CHD7: variants seen among roughly 807,000 people sequenced by gnomAD.
CHD7 encodes the protein ATP-dependent chromatin remodeler CHD7.
A neutral mutation model predicts 307.3 loss-of-function variants in CHD7; 24 were observed. That is an observed-to-expected ratio of 0.08 (90% confidence interval 0.06 to 0.11). The LOEUF is 0.11. Ranked by LOEUF, CHD7 falls within the 10% of genes least tolerant of loss-of-function variation. The pLI, the probability that CHD7 is intolerant of heterozygous loss-of-function variation, is 1.00. For synonymous variants in CHD7, 1,363 were observed against 1,349.9 expected, an observed-to-expected ratio of 1.01 and a Z score of -0.21; for missense variants, 3,106 against 3,727.1, an observed-to-expected ratio of 0.83 and a Z score of 4.34.
intron 2 of CHD7, among the ~76,000 whole-genome samples, chr8:60,765,705 G>T (rs1422870362): frequency 6.6e-6 from 1 of 152,234 alleles, no homozygotes; most frequent in Non-Finnish European, 1.5e-5. Context: ...GGCCAGGAGG[G>T]CCGGGGGCAG....
chr8:60,796,662 A>C (rs1289680214), intron 4 of CHD7, among the ~76,000 whole-genome samples: 1 of 151,578 alleles, frequency 6.6e-6, no homozygotes, highest in Non-Finnish European at 1.5e-5. Context: ...GAAAACTGCT[A>C]ATCAATTCAA....
At chr8:60,752,148 C>T (rs970646514) in intron 2 of CHD7, among the ~76,000 whole-genome samples, 9 of 152,294 alleles carry the variant, frequency 5.9e-5, no homozygotes, top group African/African-American at 1.9e-4. Flanking sequence ...TTAACCTTAA[C>T]TATGTTAACT....
Position 60,837,655 on chromosome 8 carries a change from A to AT in CHD7, c.4186-8dup. ...GTTCATTGCAGTAACTATTAATTTC[A>AT]TTTTTCTTCCAGGCTCAGGCTAGAT... On this transcript the variant is annotated splice_polypyrimidine_tract_variant and intron_variant, in intron 17 of 37. Transcript: ENST00000423902. 2 of 1,531,440 alleles carry AT rather than the reference A, an allele frequency of 1.3e-6. No individual in the cohort carries two copies. Among genetic ancestry groups the AT allele is most frequent in the Non-Finnish European group, 1.8e-6 (2 of 1,134,932 alleles). The allele number at this position is 1,531,440 out of a possible 1,614,324, so 94.9% of individuals were successfully genotyped here.
chr8:60,774,375 C>T (rs1268410510), intron 2 of CHD7, among the ~76,000 whole-genome samples: 1 of 152,216 alleles, frequency 6.6e-6, no homozygotes, highest in African/African-American at 2.4e-5. Flanking sequence ...CTTAGCAGAG[C>T]ACATGCCACA....
At chr8:60,753,311 C>T (rs1809729615) in intron 2 of CHD7, among the ~76,000 whole-genome samples, 2 of 152,200 alleles carry the variant, frequency 1.3e-5, no homozygotes, top group Non-Finnish European at 2.9e-5. Context: ...AACCCCTGTG[C>T]TCAGTGTCCT....
intron 4 of CHD7, among the ~76,000 whole-genome samples, chr8:60,795,550 A>AATT (rs1811983906): frequency 1.3e-5 from 2 of 152,332 alleles, no homozygotes; most frequent in South Asian, 4.1e-4. Flanking sequence ...AGCCTGTCTA[A>AATT]AGTTTCTGAC....
intron 21 of CHD7, among the ~76,000 whole-genome samples, chr8:60,842,272 G>A (rs1361327543): frequency 6.6e-6 from 1 of 152,166 alleles, no homozygotes; most frequent in African/African-American, 2.4e-5. Flanking sequence ...TGAAGTTAAG[G>A]TGCTTGTGTA....
chr8:60,804,104 G>A (rs1812438184), intron 6 of CHD7, among the ~76,000 whole-genome samples: 2 of 152,188 alleles, frequency 1.3e-5, no homozygotes, highest in South Asian at 2.1e-4. Flanking sequence ...CAGAGGCACC[G>A]TAAGTCAGCA....
intron 1 of CHD7, among the ~76,000 whole-genome samples, chr8:60,705,385 A>G (rs1474138132): frequency 6.6e-6 from 1 of 152,250 alleles, no homozygotes; most frequent in African/African-American, 2.4e-5. Flanking sequence ...CACTGAGGAC[A>G]AAAAGGTATG....
intron 2 of CHD7, among the ~76,000 whole-genome samples, chr8:60,760,666 A>G (rs1314987720): frequency 6.6e-6 from 1 of 151,608 alleles, no homozygotes; most frequent in Non-Finnish European, 1.5e-5. Context: ...AAACAACCCC[A>G]TCAAAAAGTG....
rs530491969 is a variant in CHD7 at position 60,714,813 on chromosome 8, C to T, written c.-174-26446C>T. Among the ~76,000 whole-genome samples, 4 of 152,352 alleles carry T rather than the reference C, an allele frequency of 2.6e-5. No homozygotes were observed. The South Asian group carries it at 8.3e-4, about 32-fold the overall frequency. On this transcript the variant is annotated intron_variant, in intron 1 of 37. Coordinates refer to ENST00000423902, the MANE Select transcript of CHD7 (RefSeq NM_017780.4). The stretch of plus-strand genomic sequence containing the variant: ...TTTTGCCTTCGTAGCCCACAGCCCA[C>T]TTGTAATTCTGTGTTCCAGGTCTGC...
At chr8:60,728,866 T>C (rs1269903446) in intron 1 of CHD7, among the ~76,000 whole-genome samples, 1 of 152,242 alleles carries the variant, frequency 6.6e-6, no homozygotes, top group East Asian at 1.9e-4. Flanking sequence ...GTTTGTTACA[T>C]AGGTAAACTT....
chr8:60,745,078 T>C (rs928938012), intron 2 of CHD7, among the ~76,000 whole-genome samples: 2 of 151,486 alleles, frequency 1.3e-5, no homozygotes, highest in African/African-American at 4.8e-5. Flanking sequence ...GTGATTCTTA[T>C]ATAACCTCAG....
intron 3 of CHD7, among the ~76,000 whole-genome samples, chr8:60,785,937 G>A (rs1201688228): frequency 6.6e-6 from 1 of 151,692 alleles, no homozygotes; most frequent in Non-Finnish European, 1.5e-5. Flanking sequence ...TAAATGTTTT[G>A]CACCCTGTGC....
chr8:60,867,006 A>G lies in CHD7; in HGVS notation c.*1073A>G, dbSNP rs763215512. ...ATTCTGGCTTTTGTACAGTTTCTTGATATATCCTCTTATACTAGATTAGCT... is the reference window on the plus strand; with the variant it reads ...ATTCTGGCTTTTGTACAGTTTCTTGGTATATCCTCTTATACTAGATTAGCT... On this transcript the variant is annotated 3_prime_UTR_variant, in exon 38 of 38. Transcript: ENST00000423902. 3 of 152,162 alleles carry G rather than the reference A, an allele frequency of 2.0e-5. No individual in the cohort carries two copies. The highest frequency in any genetic ancestry group is 2.9e-5 in the Non-Finnish European group (2 of 68,032). The allele number at this position is 152,162 out of a possible 1,614,324, so 9.4% of individuals were successfully genotyped here. A position where few individuals can be genotyped will look rare whatever the true frequency, so the allele number is the denominator to read the frequency against.
intron 1 of CHD7, among the ~76,000 whole-genome samples, chr8:60,682,363 G>A (rs1353432416): frequency 6.6e-6 from 1 of 152,186 alleles, no homozygotes; most frequent in African/African-American, 2.4e-5. Context: ...TTTTCATACA[G>A]ATGCGAAGTC....
At chr8:60,852,411 T>C (rs1049415250) in intron 29 of CHD7, 87 bp from the exon 30 acceptor site, 1 of 1,381,934 alleles carries the variant, frequency 7.2e-7, no homozygotes, top group Non-Finnish European at 9.9e-7. Flanking sequence ...CTACCATGTA[T>C]AAAGTCTGGG....
intron 4 of CHD7, among the ~76,000 whole-genome samples, chr8:60,796,383 G>A (rs778947381): frequency 1.3e-5 from 2 of 152,186 alleles, no homozygotes; most frequent in African/African-American, 2.4e-5. Context: ...ACTGAATCAA[G>A]TGTTTTAATG....
chr8:60,710,234 C>CTTTTTTTTTTTTTT (rs35355868), intron 1 of CHD7, among the ~76,000 whole-genome samples: 1 of 141,926 alleles, frequency 7.0e-6, no homozygotes, highest in Non-Finnish European at 1.5e-5. Context: ...GAAATGAAAA[C>CTTTTTTTTTTTTTT]TTTTTTTTTT....
Sources: gnomAD v4.1 joint callset for allele counts (sites outside exome capture counted in the v4.1 genomes callset) on GRCh38, gnomAD v4.1.1 for gene constraint, MANE v1.5 for transcripts, NCBI Gene and HGNC (gene_info 2026-07-23, HGNC 2026-07-21) for gene names.